Variants in HS6ST3 observed in about 807,000 individuals in gnomAD.
HS6ST3 encodes the protein heparan sulfate 6-O-sulfotransferase 3.
HS6ST3 carries 12 observed loss-of-function variants against 36.7 expected under a neutral mutation model. The observed-to-expected ratio is 0.33, with a 90% CI of 0.21 to 0.53. The LOEUF is 0.53. Ranked by LOEUF, HS6ST3 falls within the 20% of genes least tolerant of loss-of-function variation. The pLI is 0.95. For missense variants in HS6ST3, 584 were observed against 640.9 expected, an observed-to-expected ratio of 0.91 and a Z score of 0.96; for synonymous variants, 240 against 257.5, an observed-to-expected ratio of 0.93 and a Z score of 0.65.
At chr13:96,228,811 C>A (rs1275964844) in intron 1 of HS6ST3, among the ~76,000 whole-genome samples, 2 of 152,112 alleles carry the variant, frequency 1.3e-5, no homozygotes, top group African/African-American at 4.8e-5. Flanking sequence ...TGTAATAAAA[C>A]AGAACGTCAT....
chr13:96,275,063 C>T (rs1335763357), intron 1 of HS6ST3, among the ~76,000 whole-genome samples: 1 of 152,036 alleles, frequency 6.6e-6, no homozygotes, highest in African/African-American at 2.4e-5. Flanking sequence ...AGTAAAAAAA[C>T]CTCCTCCCAA....
At chr13:96,567,100 A>G (rs2056284059) in intron 1 of HS6ST3, among the ~76,000 whole-genome samples, 1 of 152,050 alleles carries the variant, frequency 6.6e-6, no homozygotes, top group African/African-American at 2.4e-5. Context: ...GTTTAGTATC[A>G]CTTTCCATTT....
intron 1 of HS6ST3, among the ~76,000 whole-genome samples, chr13:96,452,208 A>C (rs1349861143): frequency 6.6e-6 from 1 of 152,196 alleles, no homozygotes; most frequent in Non-Finnish European, 1.5e-5. Flanking sequence ...AACCCTCAGC[A>C]CATCTATATG....
intron 1 of HS6ST3, among the ~76,000 whole-genome samples, chr13:96,221,628 G>A (rs2054455897): frequency 6.6e-6 from 1 of 152,136 alleles, no homozygotes; most frequent in Non-Finnish European, 1.5e-5. Flanking sequence ...GTCAGATACA[G>A]TACAGATATC....
intron 1 of HS6ST3, among the ~76,000 whole-genome samples, chr13:96,741,612 G>C (rs982409594): frequency 5.3e-5 from 8 of 152,028 alleles, no homozygotes; most frequent in Non-Finnish European, 1.2e-4. Flanking sequence ...ATCTAAGGGA[G>C]GTTGCTTGAT....
chr13:96,524,859 G>A (rs950305575), intron 1 of HS6ST3, among the ~76,000 whole-genome samples: 2 of 152,208 alleles, frequency 1.3e-5, no homozygotes, highest in Non-Finnish European at 2.9e-5. Context: ...TCTGTGGGCC[G>A]CACCCACTGT....
chr13:96,185,089 G>A (rs749144442), intron 1 of HS6ST3, among the ~76,000 whole-genome samples: 1 of 152,132 alleles, frequency 6.6e-6, no homozygotes, highest in Non-Finnish European at 1.5e-5. Context: ...TTTGTAGTTT[G>A]TTCCAAAGGT....
intron 1 of HS6ST3, among the ~76,000 whole-genome samples, chr13:96,294,969 T>A (rs9556551): frequency 0.36 from 54,957 of 151,944 alleles, 10,259 homozygotes; most frequent in African/African-American, 0.43. Context: ...ATTTCCTTCC[T>A]TAGTTTTGTA....
At chr13:96,135,202 A>T (rs1261046661) in intron 1 of HS6ST3, among the ~76,000 whole-genome samples, 4 of 152,152 alleles carry the variant, frequency 2.6e-5, no homozygotes, top group Non-Finnish European at 4.4e-5. Flanking sequence ...TAGCAGGTTT[A>T]TGGGAGACTG....
At position 96,598,232 on chromosome 13, in the gene HS6ST3, A is replaced by G. The variant is rs557126; in HGVS notation, c.708-234258A>G. Among the ~76,000 whole-genome samples the G allele has an allele frequency of 9.0e-3, 1,368 of 152,206 alleles. 19 individuals carry two copies. The highest frequency in any genetic ancestry group is 0.017 in the Middle Eastern group (5 of 294). ...AAATGATCTATCTGGGTATTTTGAT[A>G]GGAATTGCGTTGAAACTGTAGGTTG... On this transcript the variant is annotated intron_variant, in intron 1 of 1. Transcript: ENST00000376705.
rs778614894 is a variant in HS6ST3, at chr13:96,482,456, CT to C, written c.708-350020del. Among the ~76,000 whole-genome samples, 1,275 of 140,340 alleles carry C rather than the reference CT, an allele frequency of 9.1e-3. 15 individuals are homozygous for C. Among genetic ancestry groups the C allele is most frequent in the African/African-American group, 0.027 (1,061 of 38,624 alleles). 92.1% of individuals were successfully genotyped at this position (140,340 alleles called of 152,430 possible). On this transcript the variant is annotated intron_variant, in intron 1 of 1. Coordinates refer to ENST00000376705, the MANE Select transcript of HS6ST3 (RefSeq NM_153456.4). The stretch of plus-strand genomic sequence containing the variant: ...GGTTCACAGTTCTTGTTTTATTTTT[CT>C]TTTTTTTTTTTTTCCGTAAAGCCTA...
intron 1 of HS6ST3, among the ~76,000 whole-genome samples, chr13:96,688,456 A>G (rs994058757): frequency 4.6e-5 from 7 of 151,962 alleles, no homozygotes; most frequent in African/African-American, 1.7e-4. Context: ...GGATCCAAAG[A>G]ATGAAAGATG....
At chr13:96,491,010 A>G (rs956340223) in intron 1 of HS6ST3, among the ~76,000 whole-genome samples, 2 of 152,198 alleles carry the variant, frequency 1.3e-5, no homozygotes, top group Non-Finnish European at 2.9e-5. Context: ...CTTGGGAGCC[A>G]TTCTGAACAT....
intron 1 of HS6ST3, among the ~76,000 whole-genome samples, chr13:96,764,451 C>T (rs183373333): frequency 6.1e-4 from 93 of 152,310 alleles, no homozygotes; most frequent in Non-Finnish European, 1.2e-3. Flanking sequence ...GTGAGTTAAG[C>T]GTGCTTCTCA....
chr13:96,695,428 A>G (rs1875101086), intron 1 of HS6ST3, among the ~76,000 whole-genome samples: 1 of 152,070 alleles, frequency 6.6e-6, no homozygotes, highest in African/African-American at 2.4e-5. Flanking sequence ...AGATTTTAGA[A>G]AGTACTTACC....
chr13:96,750,946 G>T (rs1358274412), intron 1 of HS6ST3, among the ~76,000 whole-genome samples: 2 of 152,056 alleles, frequency 1.3e-5, no homozygotes, highest in Non-Finnish European at 2.9e-5. Context: ...AGAGAATATA[G>T]AATTAAAATT....
intron 1 of HS6ST3, among the ~76,000 whole-genome samples, chr13:96,753,435 T>C (rs1027325713): frequency 2.0e-5 from 3 of 152,324 alleles, no homozygotes; most frequent in African/African-American, 7.2e-5. Context: ...ATCTACATCT[T>C]TTATTAAATT....
intron 1 of HS6ST3, among the ~76,000 whole-genome samples, chr13:96,412,014 CT>C (rs576811876): frequency 2.0e-5 from 3 of 150,828 alleles, no homozygotes; most frequent in East Asian, 1.9e-4. Flanking sequence ...TTTTTCTTTC[CT>C]TTTTTTTTGA....
chr13:96,662,273 T>G (rs1168583324), intron 1 of HS6ST3, among the ~76,000 whole-genome samples: 1 of 152,212 alleles, frequency 6.6e-6, no homozygotes, highest in Non-Finnish European at 1.5e-5. Flanking sequence ...CTCAAATTTC[T>G]TGAAGCCTTT....
Sources: allele counts gnomAD v4.1 joint callset (sites outside exome capture counted in the v4.1 genomes callset), GRCh38; gene constraint gnomAD v4.1.1; transcripts MANE v1.5; gene names NCBI Gene and HGNC (gene_info 2026-07-23, HGNC 2026-07-21).